PPFIBP2: variants seen among roughly 807,000 people sequenced by gnomAD.
PPFIBP2 encodes the protein PPFIB scaffold protein 2, also known as liprin-beta-2.
Under a neutral mutation model 118.3 loss-of-function variants are expected in PPFIBP2, and 118 were observed. The observed-to-expected ratio is 1.00, with a 90% CI of 0.86 to 1.16. PPFIBP2 has a LOEUF of 1.16. Ranked by LOEUF, PPFIBP2 falls within the 50% of genes most tolerant of loss-of-function variation. The pLI is 0.00. For missense variants in PPFIBP2, 1,195 were observed against 1,073.1 expected (o/e 1.11, Z -1.59); for synonymous variants, 414 against 397.4 (o/e 1.04, Z -0.50).
chr11:7,615,335 CAAAAA>C (rs35137869), intron 6 of PPFIBP2, among the ~76,000 whole-genome samples: 1 of 99,188 alleles, frequency 1.0e-5, no homozygotes. Context: ...GACTCCGTCT[CAAAAA>C]AAAAAAAAAA....
chr11:7,581,205 C>G (rs1349265094), intron 3 of PPFIBP2, among the ~76,000 whole-genome samples: 1 of 152,232 alleles, frequency 6.6e-6, no homozygotes, highest in African/African-American at 2.4e-5. Flanking sequence ...ACAAACAGCT[C>G]ACACCTGTTC....
chr11:7,552,219 G>A (rs978933499), intron 2 of PPFIBP2, among the ~76,000 whole-genome samples: 3 of 152,206 alleles, frequency 2.0e-5, no homozygotes, highest in African/African-American at 7.2e-5. Flanking sequence ...CCTCATATTA[G>A]AAATGAGAAT....
intron 1 of PPFIBP2, among the ~76,000 whole-genome samples, chr11:7,514,801 G>C (rs965593740): frequency 6.6e-6 from 1 of 152,196 alleles, no homozygotes; most frequent in Admixed American, 6.5e-5. Flanking sequence ...CCAGCGTTTG[G>C]ATAGGATTAA....
downstream of PPFIBP2, among the ~76,000 whole-genome samples, chr11:7,661,614 T>C (rs916790297): frequency 9.0e-5 from 10 of 110,668 alleles, no homozygotes; most frequent in African/African-American, 2.9e-4. Context: ...CTGAAAAATA[T>C]GTATATTCTC....
At position 7,642,529 on chromosome 11, in the gene PPFIBP2, C is replaced by A. The variant is rs372171566; in HGVS notation, c.1646+103C>A. 40 of 1,312,770 alleles carry A rather than the reference C, an allele frequency of 3.0e-5. No individual in the cohort carries two copies. The African/African-American group carries it at 5.8e-4, about 19-fold the overall frequency. 81.3% of individuals were successfully genotyped at this position (1,312,770 alleles called of 1,614,324 possible). ...CTTTACTCCTGTGTTTTGCGGAAAC[C>A]CCTTTCCATATTCTCTTCCCCAGTC... On this transcript the variant is annotated intron_variant, in intron 17 of 23. Transcript: ENST00000299492.
chr11:7,652,973 T>C (rs188556376), intron 23 of PPFIBP2, 51 bp from the exon 24 acceptor site: 1 of 1,557,676 alleles, frequency 6.4e-7, no homozygotes, highest in Admixed American at 1.8e-5. Context: ...CAGTCATACC[T>C]GCACACTGCC....
At chr11:7,654,669 G>A (rs1854520398), downstream of PPFIBP2, among the ~76,000 whole-genome samples, 1 of 152,228 alleles carries the variant, frequency 6.6e-6, no homozygotes, top group Admixed American at 6.5e-5. Flanking sequence ...GCTCATTCAG[G>A]CTGATGCCTG....
intron 1 of PPFIBP2, among the ~76,000 whole-genome samples, chr11:7,521,811 G>A (rs1484650256): frequency 2.6e-5 from 4 of 152,212 alleles, no homozygotes; most frequent in Non-Finnish European, 5.9e-5. Context: ...TGGTTATTTC[G>A]TATGGTAGAC....
At chr11:7,632,758 C>A in intron 11 of PPFIBP2, 109 bp from the exon 12 acceptor site, 1 of 824,440 alleles carries the variant, frequency 1.2e-6, no homozygotes, top group Non-Finnish European at 2.0e-6. Context: ...ATGGCTGCAC[C>A]CAGGGAGGAA....
intron 1 of PPFIBP2, among the ~76,000 whole-genome samples, chr11:7,526,689 G>A (rs949395851): frequency 2.0e-5 from 3 of 152,084 alleles, no homozygotes; most frequent in Non-Finnish European, 4.4e-5. Context: ...TGGCTAACAC[G>A]GTGAAACCCC....
At chr11:7,575,925 C>T (rs1018716633) in intron 3 of PPFIBP2, among the ~76,000 whole-genome samples, 3 of 152,220 alleles carry the variant, frequency 2.0e-5, no homozygotes, top group Non-Finnish European at 4.4e-5. Context: ...TTTCTGGCCT[C>T]TGTCTGGGTG....
chr11:7,528,077 C>T (rs981193214), intron 1 of PPFIBP2, among the ~76,000 whole-genome samples: 15 of 152,092 alleles, frequency 9.9e-5, no homozygotes, highest in African/African-American at 3.6e-4. Flanking sequence ...CTGCCTGACC[C>T]CAAACTCTGT....
chr11:7,546,370 A>G (rs751516521), intron 1 of PPFIBP2, among the ~76,000 whole-genome samples: 4 of 152,176 alleles, frequency 2.6e-5, no homozygotes, highest in Non-Finnish European at 5.9e-5. Context: ...ATACACCTTG[A>G]ATCATGTTTC....
chr11:7,596,850 G>C (rs372603919), intron 4 of PPFIBP2, among the ~76,000 whole-genome samples: 3 of 152,280 alleles, frequency 2.0e-5, no homozygotes, highest in African/African-American at 7.2e-5. Flanking sequence ...TATATAGTTA[G>C]TGCATAATTT....
intron 2 of PPFIBP2, 124 bp from the exon 3 acceptor site, chr11:7,565,429 C>T: frequency 1.0e-6 from 1 of 987,494 alleles, no homozygotes; most frequent in Admixed American, 1.9e-5. Context: ...CACCGCCATG[C>T]CCAGCTCACC....
intron 1 of PPFIBP2, among the ~76,000 whole-genome samples, chr11:7,523,383 G>A (rs775581530): frequency 6.6e-5 from 10 of 152,180 alleles, no homozygotes; most frequent in Non-Finnish European, 1.0e-4. Context: ...TGTGGTAGTT[G>A]CCAAATAAAA....
At chr11:7,539,967 T>C (rs6578869) in intron 1 of PPFIBP2, among the ~76,000 whole-genome samples, 40,118 of 152,078 alleles carry the variant, frequency 0.26, 5,896 homozygotes, top group African/African-American at 0.4. Flanking sequence ...GTGTCTCTTT[T>C]CACCTGAATT....
intron 1 of PPFIBP2, among the ~76,000 whole-genome samples, chr11:7,535,780 A>C (rs890347013): frequency 3.9e-5 from 6 of 152,168 alleles, no homozygotes; most frequent in African/African-American, 1.4e-4. Flanking sequence ...CCTGGTTCTG[A>C]ATACCTGAAC....
At chr11:7,526,248 A>G (rs375565556) in intron 1 of PPFIBP2, among the ~76,000 whole-genome samples, 267 of 152,324 alleles carry the variant, frequency 1.8e-3, no homozygotes, top group Non-Finnish European at 2.9e-3. Context: ...TTGTGGATCA[A>G]CCAACTGGGG....
Sources: allele counts gnomAD v4.1 joint callset (sites outside exome capture counted in the v4.1 genomes callset), GRCh38; gene constraint gnomAD v4.1.1; transcripts MANE v1.5; gene names NCBI Gene and HGNC (gene_info 2026-07-23, HGNC 2026-07-21).